The following UNC13B variants were observed in gnomAD, a reference collection of about 807,000 sequenced individuals.
UNC13B encodes unc-13 homolog B.
Under a neutral mutation model 211.0 loss-of-function variants are expected in UNC13B, and 144 were observed. The ratio of observed to expected loss-of-function variants is 0.68; its 90% CI spans 0.60 to 0.78. UNC13B has a LOEUF of 0.78. Among genes scored for constraint, UNC13B ranks in the 30% least tolerant of loss-of-function variants. The pLI, the probability that UNC13B is intolerant of heterozygous loss-of-function variation, is 0.00. For synonymous variants in UNC13B, 709 were observed against 725.8 expected (o/e 0.98, Z 0.37); for missense variants, 1,777 against 2,002.0 (o/e 0.89, Z 2.14).
At chr9:35,384,916 T>G in intron 22 of UNC13B, 14 of 719,636 alleles carry the variant, frequency 1.9e-5, no homozygotes, top group Non-Finnish European at 2.4e-5. Context: ...GTGTGAATTT[T>G]CAGAACAGGC....
At chr9:35,162,932 C>T (rs1482465957) in intron 1 of UNC13B, among the ~76,000 whole-genome samples, 1 of 152,160 alleles carries the variant, frequency 6.6e-6, no homozygotes, top group Non-Finnish European at 1.5e-5. Context: ...GCCATTATTG[C>T]TTTTCCCCTG....
intron 11 of UNC13B, among the ~76,000 whole-genome samples, chr9:35,331,516 G>C (rs993358773): frequency 2.0e-5 from 3 of 152,146 alleles, no homozygotes; most frequent in African/African-American, 7.2e-5. Context: ...TAAAGTGCTG[G>C]TATTACAGGC....
chr9:35,356,827 G>T (rs1457361581), intron 11 of UNC13B, among the ~76,000 whole-genome samples: 1 of 152,110 alleles, frequency 6.6e-6, no homozygotes, highest in Non-Finnish European at 1.5e-5. Context: ...CTATGAATTT[G>T]CCTATTATGT....
chr9:35,222,588 A>G (rs1360385660), intron 1 of UNC13B, among the ~76,000 whole-genome samples: 1 of 152,188 alleles, frequency 6.6e-6, no homozygotes, highest in African/African-American at 2.4e-5. Context: ...TGGATACATA[A>G]TAACTGTACG....
chr9:35,361,414 C>CT (rs1833402530), intron 11 of UNC13B: 4 of 152,140 alleles, frequency 2.6e-5, no homozygotes, highest in Admixed American at 6.5e-5. Flanking sequence ...GCCAGTATAG[C>CT]AGTTCCTCAG....
Position 35,380,450 on chromosome 9 carries a change from C to G in UNC13B, c.10206-20C>G. ...GCTACTGGGTCTGCCCCTAACAGAG[C>G]CTGCCTAATTCTCTCACAGTGAGTG... is the stretch of plus-strand genomic sequence containing the variant. On this transcript the variant is annotated intron_variant, in intron 17 of 39. Transcript: ENST00000635942. 1 of 1,611,822 alleles carries G rather than the reference C, an allele frequency of 6.2e-7. No homozygotes were observed. Among genetic ancestry groups the G allele is most frequent in the South Asian group, 1.1e-5 (1 of 90,880 alleles).
chr9:35,329,003 C>T (rs1000517734), intron 11 of UNC13B, among the ~76,000 whole-genome samples: 3 of 151,836 alleles, frequency 2.0e-5, no homozygotes, highest in Admixed American at 2.0e-4. Context: ...GATCTCCTGA[C>T]CTTGTGATCC....
chr9:35,239,194 G>A (rs560810782), intron 5 of UNC13B, among the ~76,000 whole-genome samples: 1 of 152,112 alleles, frequency 6.6e-6, no homozygotes, highest in Admixed American at 6.5e-5. Context: ...TCTTATCAGG[G>A]GAAATTCAGC....
At chr9:35,220,424 TC>T (rs939179147) in intron 1 of UNC13B, among the ~76,000 whole-genome samples, 7 of 151,258 alleles carry the variant, frequency 4.6e-5, no homozygotes, top group South Asian at 2.1e-4. Flanking sequence ...CATCCCCACT[TC>T]CCCCCCAACT....
chr9:35,374,975 T>A, intron 13 of UNC13B, 152 bp from the exon 14 acceptor site: 1 of 763,932 alleles, frequency 1.3e-6, no homozygotes, highest in Non-Finnish European at 2.2e-6. Context: ...GGGACACTTG[T>A]CACCTGTTAG....
intron 12 of UNC13B, 49 bp downstream of exon 12, chr9:35,367,042 G>A (rs1431225508): frequency 2.6e-6 from 4 of 1,556,952 alleles, no homozygotes; most frequent in Non-Finnish European, 3.5e-6. Flanking sequence ...AGTATCTCTT[G>A]ATGCTTTTAG....
chr9:35,313,620 G>A (rs1830294114), intron 10 of UNC13B, among the ~76,000 whole-genome samples: 1 of 109,462 alleles, frequency 9.1e-6, no homozygotes, highest in Admixed American at 9.7e-5. Context: ...GTGAGACCCT[G>A]TCTCAAAATA....
rs543690033 is a variant in UNC13B, at chr9:35,329,245, A to G, written c.9414+15256A>G. Among the ~76,000 whole-genome samples the G allele has an allele frequency of 1.8e-4, 27 of 152,276 alleles. No homozygotes were observed. In the South Asian group the frequency reaches 5.4e-3, roughly 30 times the overall value. On this transcript the variant is annotated intron_variant, in intron 11 of 39. Coordinates refer to ENST00000635942, the MANE Select transcript of UNC13B (RefSeq NM_001371189.2). ...GATACCTAACCCCAGGTATCTTAGAATGTGACATTATTTGGAGATAGGGTC... is the reference window on the plus strand; with the variant it reads ...GATACCTAACCCCAGGTATCTTAGAGTGTGACATTATTTGGAGATAGGGTC...
chr9:35,186,268 C>T (rs546722661), intron 1 of UNC13B, among the ~76,000 whole-genome samples: 1 of 152,134 alleles, frequency 6.6e-6, no homozygotes, highest in Non-Finnish European at 1.5e-5. Context: ...CTGGAGGTTT[C>T]ATCTACATGA....
chr9:35,288,385 T>G (rs1193147471), intron 7 of UNC13B, among the ~76,000 whole-genome samples: 3 of 152,256 alleles, frequency 2.0e-5, no homozygotes, highest in African/African-American at 7.2e-5. Flanking sequence ...CATTAGGTTC[T>G]TTCATAACTC....
intron 8 of UNC13B, among the ~76,000 whole-genome samples, chr9:35,298,733 C>A (rs1487511747): frequency 6.6e-6 from 1 of 152,132 alleles, no homozygotes; most frequent in African/African-American, 2.4e-5. Context: ...AAGCTCCTAG[C>A]CTTTAGGTTC....
chr9:35,404,932 C>G lies in UNC13B; in HGVS notation c.*899C>G, dbSNP rs934144788. On this transcript the variant is annotated 3_prime_UTR_variant, in exon 40 of 40. Transcript: ENST00000635942. ...CCTGCTCATCTGTGGCCACTGCCTT[C>G]TAGCCGTCCTCCACCTTGCAGAAAG... 6.5e-6 allele frequency: 1 copy of G among 152,746 alleles called. No individual in the cohort carries two copies. The highest frequency in any genetic ancestry group is 2.4e-5 in the African/African-American group (1 of 41,456). The allele number at this position is 152,746 out of a possible 1,614,324, so 9.5% of individuals were successfully genotyped here.
At chr9:35,197,039 G>A (rs1174475728) in intron 1 of UNC13B, among the ~76,000 whole-genome samples, 2 of 151,988 alleles carry the variant, frequency 1.3e-5, no homozygotes, top group African/African-American at 4.8e-5. Flanking sequence ...CCAAAACGTT[G>A]GGATGACAGG....
intron 5 of UNC13B, among the ~76,000 whole-genome samples, chr9:35,242,250 TGTGA>T (rs1004361069): frequency 6.6e-6 from 1 of 152,222 alleles, no homozygotes; most frequent in African/African-American, 2.4e-5. Flanking sequence ...GCATAAAACC[TGTGA>T]GTATTTTTTA....
Sources: allele counts gnomAD v4.1 joint callset (sites outside exome capture counted in the v4.1 genomes callset), GRCh38; gene constraint gnomAD v4.1.1; transcripts MANE v1.5; gene names NCBI Gene and HGNC (gene_info 2026-07-23, HGNC 2026-07-21).